Variants in CSMD3 observed in about 807,000 individuals in gnomAD.
CSMD3 encodes CUB and Sushi multiple domains 3.
Under a neutral mutation model 435.2 loss-of-function variants are expected in CSMD3, and 177 were observed. That is an observed-to-expected ratio of 0.41 (90% CI 0.36 to 0.46). The LOEUF (loss-of-function observed/expected upper bound fraction) is 0.46. CSMD3 is among the 20% of genes least tolerant of loss of function. The pLI, the probability that CSMD3 is intolerant of heterozygous loss-of-function variation, is 0.34. For synonymous variants in CSMD3, 1,656 were observed against 1,520.5 expected, an observed-to-expected ratio of 1.09 and a Z score of -2.07; for missense variants, 4,265 against 4,504.6, an observed-to-expected ratio of 0.95 and a Z score of 1.52.
At chr8:112,785,158 A>C (rs2132263939) in intron 13 of CSMD3, among the ~76,000 whole-genome samples, 1 of 152,154 alleles carries the variant, frequency 6.6e-6, no homozygotes, top group Non-Finnish European at 1.5e-5. Flanking sequence ...TGAAGAACAA[A>C]TCTATATAGT....
At chr8:112,252,197 G>A (rs958197136) in intron 63 of CSMD3, among the ~76,000 whole-genome samples, 1 of 151,736 alleles carries the variant, frequency 6.6e-6, no homozygotes, top group African/African-American at 2.4e-5. Flanking sequence ...CTCACTACCG[G>A]CCACCTAATG....
chr8:112,818,163 A>G (rs2079430357), intron 12 of CSMD3, among the ~76,000 whole-genome samples: 1 of 152,038 alleles, frequency 6.6e-6, no homozygotes, highest in Non-Finnish European at 1.5e-5. Context: ...ACAAAATGAA[A>G]CACAAAAAGC....
intron 12 of CSMD3, among the ~76,000 whole-genome samples, chr8:112,827,191 ATATATATATATATAT>A (rs2079719255): frequency 9.7e-6 from 1 of 102,616 alleles, no homozygotes; most frequent in Non-Finnish European, 2.2e-5. Context: ...ATATATATAT[ATATATATATATATAT>A]AATCTTTCTA....
At chr8:112,482,794 G>A (rs997631758) in intron 31 of CSMD3, among the ~76,000 whole-genome samples, 3 of 152,066 alleles carry the variant, frequency 2.0e-5, no homozygotes, top group Non-Finnish European at 4.4e-5. Flanking sequence ...CTACCAAATC[G>A]CCTCAAAAAT....
intron 2 of CSMD3, among the ~76,000 whole-genome samples, chr8:113,286,301 ATAAC>A (rs2093646333): frequency 6.6e-6 from 1 of 152,180 alleles, no homozygotes; most frequent in Non-Finnish European, 1.5e-5. Flanking sequence ...ACTGAAATGA[ATAAC>A]TAGTCACAAG....
chr8:112,604,180 A>G (rs1414665180), intron 22 of CSMD3, among the ~76,000 whole-genome samples: 1 of 152,162 alleles, frequency 6.6e-6, no homozygotes, highest in Admixed American at 6.5e-5. Flanking sequence ...TGCATTACTC[A>G]TAGTAAATAT....
At chr8:112,655,534 A>G (rs2075236227) in intron 18 of CSMD3, among the ~76,000 whole-genome samples, 2 of 152,036 alleles carry the variant, frequency 1.3e-5, no homozygotes, top group South Asian at 4.1e-4. Flanking sequence ...ATGTTTCAAA[A>G]ATCAAAATAT....
chr8:112,630,941 T>TCC (rs2074496149), intron 22 of CSMD3, among the ~76,000 whole-genome samples: 3 of 65,572 alleles, frequency 4.6e-5, no homozygotes, highest in African/African-American at 1.9e-4. Context: ...TACATCAGTA[T>TCC]TCACACACAC....
intron 22 of CSMD3, among the ~76,000 whole-genome samples, chr8:112,599,181 A>AC (rs2131406318): frequency 7.0e-6 from 1 of 143,152 alleles, no homozygotes; most frequent in Admixed American, 6.8e-5. Flanking sequence ...AAGAAAAAAA[A>AC]AACAACCCCA....
At chr8:112,798,610 G>T (rs28548224) in intron 13 of CSMD3, among the ~76,000 whole-genome samples, 6,036 of 151,958 alleles carry the variant, frequency 0.04, 409 homozygotes, top group African/African-American at 0.14. Flanking sequence ...TAATTGTGCT[G>T]CTCTACAATG....
intron 1 of CSMD3, among the ~76,000 whole-genome samples, chr8:113,396,419 T>C (rs2094483878): frequency 6.6e-6 from 1 of 152,178 alleles, no homozygotes; most frequent in African/African-American, 2.4e-5. Context: ...TAAGGGTAAG[T>C]GTTTCTCCAT....
At chr8:113,249,952 G>A (rs1455976401) in intron 3 of CSMD3, among the ~76,000 whole-genome samples, 1 of 152,066 alleles carries the variant, frequency 6.6e-6, no homozygotes, top group East Asian at 1.9e-4. Context: ...AATTGTAGAA[G>A]TGTGTATTTA....
intron 3 of CSMD3, among the ~76,000 whole-genome samples, chr8:113,186,593 GTGAT>G (rs1222834563): frequency 6.6e-6 from 1 of 151,978 alleles, no homozygotes; most frequent in Non-Finnish European, 1.5e-5. Context: ...CTCCCTGCTA[GTGAT>G]TGTCCCCTCC....
chr8:113,290,456 A>G (rs1429336258), intron 2 of CSMD3, among the ~76,000 whole-genome samples: 1 of 151,708 alleles, frequency 6.6e-6, no homozygotes, highest in East Asian at 1.9e-4. Context: ...TTACTCTTAC[A>G]AGATACATAT....
chr8:112,610,773 T>C (rs908608133), intron 22 of CSMD3, among the ~76,000 whole-genome samples: 7 of 152,194 alleles, frequency 4.6e-5, no homozygotes, highest in Non-Finnish European at 1.0e-4. Context: ...CACCATCTTC[T>C]GATTTTCATC....
intron 1 of CSMD3, among the ~76,000 whole-genome samples, chr8:113,399,986 G>A (rs367752724): frequency 6.7e-6 from 1 of 150,300 alleles, no homozygotes; most frequent in Admixed American, 6.6e-5. Context: ...ATCACTTTTG[G>A]TTAGATTTTA....
At chr8:113,064,029 T>C (rs1194048377) in intron 5 of CSMD3, among the ~76,000 whole-genome samples, 2 of 151,572 alleles carry the variant, frequency 1.3e-5, no homozygotes, top group Non-Finnish European at 3.0e-5. Context: ...TTTAATAATA[T>C]ATTAAAGGAC....
chr8:113,167,432 C>T (rs2092174329), intron 4 of CSMD3, among the ~76,000 whole-genome samples: 1 of 152,078 alleles, frequency 6.6e-6, no homozygotes, highest in African/African-American at 2.4e-5. Flanking sequence ...TAATACATGG[C>T]AGAAATATAA....
chr8:112,780,582 C>T (rs188589839), intron 13 of CSMD3, among the ~76,000 whole-genome samples: 56 of 152,154 alleles, frequency 3.7e-4, no homozygotes, highest in Admixed American at 3.0e-3. Context: ...GAAGTAAAGA[C>T]AGCCTTGCAC....
Sources: gnomAD v4.1 joint callset for allele counts (sites outside exome capture counted in the v4.1 genomes callset) on GRCh38, gnomAD v4.1.1 for gene constraint, MANE v1.5 for transcripts, NCBI Gene and HGNC (gene_info 2026-07-23, HGNC 2026-07-21) for gene names.